IQSEC1: variants seen among roughly 807,000 people sequenced by gnomAD.
IQSEC1 encodes IQ motif and SEC7 domain-containing protein 1.
In IQSEC1, 31 loss-of-function variants were observed where a neutral mutation model predicts 91.0. That is an observed-to-expected ratio of 0.34 (90% CI 0.26 to 0.46). The LOEUF (loss-of-function observed/expected upper bound fraction) is 0.46, where lower values mean the gene tolerates loss of function less well. IQSEC1 is among the 20% of genes least tolerant of loss of function. IQSEC1 has a pLI of 1.00. For missense variants in IQSEC1, 1,388 were observed against 1,575.6 expected (o/e 0.88, Z 2.02); for synonymous variants, 699 against 662.6 (o/e 1.05, Z -0.84).
chr3:13,196,145 C>T (rs1309393044), intron 1 of IQSEC1, among the ~76,000 whole-genome samples: 7 of 152,200 alleles, frequency 4.6e-5, no homozygotes, highest in Admixed American at 2.0e-4. Flanking sequence ...AACCCAGCCA[C>T]CATGCTGTGA....
At chr3:13,178,795 G>A (rs1016539826) in intron 1 of IQSEC1, among the ~76,000 whole-genome samples, 12 of 152,184 alleles carry the variant, frequency 7.9e-5, no homozygotes, top group African/African-American at 2.9e-4. Context: ...ACATCAAGCA[G>A]ATTAAATATG....
intron 1 of IQSEC1, among the ~76,000 whole-genome samples, chr3:13,018,726 G>T (rs1224218160): frequency 6.6e-6 from 1 of 152,180 alleles, no homozygotes; most frequent in Non-Finnish European, 1.5e-5. Context: ...GCATCTCACA[G>T]GCGGGGAAAC....
chr3:13,169,605 C>A (rs1183089181), intron 1 of IQSEC1, among the ~76,000 whole-genome samples: 1 of 152,204 alleles, frequency 6.6e-6, no homozygotes. Context: ...GCCCAAAATG[C>A]TGATAGCAAT....
At chr3:13,200,357 G>A (rs1694221830) in intron 1 of IQSEC1, among the ~76,000 whole-genome samples, 1 of 152,140 alleles carries the variant, frequency 6.6e-6, no homozygotes. Flanking sequence ...GGGGAAGACT[G>A]GAAGAAAATT....
chr3:13,089,943 C>T (rs968158489), intron 2 of IQSEC1, among the ~76,000 whole-genome samples: 1 of 152,216 alleles, frequency 6.6e-6, no homozygotes, highest in Non-Finnish European at 1.5e-5. Flanking sequence ...AGGCCGGGCA[C>T]GGTGGCTCAC....
intron 2 of IQSEC1, among the ~76,000 whole-genome samples, chr3:13,121,079 C>T (rs1377981629): frequency 6.6e-6 from 1 of 152,218 alleles, no homozygotes; most frequent in Non-Finnish European, 1.5e-5. Context: ...CCAGCATGGT[C>T]GGCATCGTCC....
intron 1 of IQSEC1, chr3:13,015,491 G>A (rs1207034445): frequency 1.0e-5 from 9 of 889,224 alleles, no homozygotes; most frequent in Middle Eastern, 5.7e-4. Context: ...CCCTCACCAC[G>A]GCAGGCTGCC....
rs995726655 is a variant in IQSEC1, at chr3:13,207,022, C to T, written c.273-42889G>A. 2.6e-5 allele frequency among the ~76,000 whole-genome samples: 4 copies of T among 152,098 alleles called. No homozygotes were observed. The highest frequency in any genetic ancestry group is 2.6e-4 in the Admixed American group (4 of 15,280). ...CCTGGTTAGCCACACCTGGACTGGT[C>T]ATTTCCCATCTCTAGCATATTAGCC... On this transcript the variant is annotated intron_variant, in intron 1 of 15. Coordinates refer to the IQSEC1 transcript ENST00000648114. This position sits in a 1 kb window ranked among gnomAD's most constrained non-coding sequence, Gnocchi z 4.8.
At chr3:13,092,031 G>A (rs911077355) in intron 2 of IQSEC1, among the ~76,000 whole-genome samples, 1 of 152,138 alleles carries the variant, frequency 6.6e-6, no homozygotes, top group Non-Finnish European at 1.5e-5. Flanking sequence ...GTGCATGGTC[G>A]AGGCCAGGAG....
intron 1 of IQSEC1, among the ~76,000 whole-genome samples, chr3:12,984,667 C>T (rs898490653): frequency 6.6e-6 from 1 of 152,096 alleles, no homozygotes; most frequent in Non-Finnish European, 1.5e-5. Flanking sequence ...TAAAGCCCCA[C>T]CCCTCAGCCC....
intron 5 of IQSEC1, 89 bp from the exon 6 acceptor site, chr3:12,920,685 A>G: frequency 2.9e-6 from 4 of 1,377,832 alleles, no homozygotes; most frequent in Non-Finnish European, 4.1e-6. Flanking sequence ...TGTGCCGCTA[A>G]GCCTCAGCTC....
intron 2 of IQSEC1, among the ~76,000 whole-genome samples, chr3:13,141,718 G>A (rs1238962609): frequency 2.6e-5 from 4 of 152,020 alleles, no homozygotes; most frequent in Admixed American, 2.6e-4. Context: ...CTACATATCA[G>A]GGGTCTGTGT....
At chr3:13,121,547 G>A (rs976159341) in intron 2 of IQSEC1, among the ~76,000 whole-genome samples, 2 of 152,194 alleles carry the variant, frequency 1.3e-5, no homozygotes, top group Non-Finnish European at 2.9e-5. Flanking sequence ...GCCTGTGGGG[G>A]AGAAGGTGCT....
intron 2 of IQSEC1, among the ~76,000 whole-genome samples, chr3:13,134,130 A>G (rs997090629): frequency 6.6e-6 from 1 of 152,212 alleles, no homozygotes; most frequent in Non-Finnish European, 1.5e-5. Context: ...CCTCCAGGGC[A>G]CCAAATAGCA....
At chr3:13,054,986 C>T (rs1293836315) in intron 1 of IQSEC1, among the ~76,000 whole-genome samples, 8 of 152,252 alleles carry the variant, frequency 5.3e-5, no homozygotes, top group Non-Finnish European at 7.3e-5. Flanking sequence ...CACTGGCTGA[C>T]GCCCGCCTGT....
At chr3:13,256,496 C>A (rs1042109601) in intron 1 of IQSEC1, among the ~76,000 whole-genome samples, 1 of 152,166 alleles carries the variant, frequency 6.6e-6, no homozygotes, top group Non-Finnish European at 1.5e-5. Flanking sequence ...CATCCTTATC[C>A]CCCACCTGAC....
At chr3:12,911,531 C>A in intron 10 of IQSEC1, 98 bp downstream of exon 10, 1 of 866,612 alleles carries the variant, frequency 1.2e-6, no homozygotes, top group South Asian at 1.4e-5. Flanking sequence ...CAGGGGTGAG[C>A]GTCGAAGCCC....
chr3:13,215,150 G>A (rs918528869), intron 1 of IQSEC1, among the ~76,000 whole-genome samples: 4 of 152,032 alleles, frequency 2.6e-5, no homozygotes, highest in Non-Finnish European at 5.9e-5. Context: ...CCAGGCTCCT[G>A]CAGTACACAA....
Position 12,967,309 on chromosome 3 carries a change from G to T in IQSEC1, c.24-25444C>A, listed in dbSNP as rs1700642558. On this transcript the variant is annotated intron_variant, in intron 1 of 13. Transcript: ENST00000613206. This position sits in a 1 kb window ranked among gnomAD's most constrained non-coding sequence, Gnocchi z 5.9. ...GGTCCCGACGGTCACCCGCACTCCC[G>T]CACAGGCATCCCCACAGCCTGCGCC... 2 of 1,304,582 alleles carry T rather than the reference G, an allele frequency of 1.5e-6. No individual in the cohort carries two copies. The highest frequency in any genetic ancestry group is 1.3e-5 in the South Asian group (1 of 75,710). The allele number at this position is 1,304,582 out of a possible 1,614,324, so 80.8% of individuals were successfully genotyped here.
Sources: gnomAD v4.1 joint callset for allele counts (sites outside exome capture counted in the v4.1 genomes callset) on GRCh38, gnomAD v4.1.1 for gene constraint, Gnocchi (gnomAD v3.1) non-coding constraint, MANE v1.5 for transcripts, NCBI Gene and HGNC (gene_info 2026-07-23, HGNC 2026-07-21) for gene names.